The following BICD1 variants were observed in gnomAD, a reference collection of about 807,000 sequenced individuals.
BICD1 encodes protein bicaudal D homolog 1.
BICD1 carries 35 observed loss-of-function variants against 92.5 expected under a neutral mutation model. That is an observed-to-expected ratio of 0.38 (90% CI 0.29 to 0.50). The LOEUF (loss-of-function observed/expected upper bound fraction) is 0.50, where lower values mean the gene tolerates loss of function less well. BICD1 is among the 20% of genes least tolerant of loss of function. The pLI, the probability that BICD1 is intolerant of heterozygous loss-of-function variation, is 0.93. For synonymous variants in BICD1, 429 were observed against 465.1 expected, an observed-to-expected ratio of 0.92 and a Z score of 1.00; for missense variants, 950 against 1,189.8, an observed-to-expected ratio of 0.80 and a Z score of 2.97.
intron 2 of BICD1, among the ~76,000 whole-genome samples, chr12:32,289,420 T>C (rs1453570281): frequency 6.6e-6 from 1 of 152,238 alleles, no homozygotes; most frequent in African/African-American, 2.4e-5. Flanking sequence ...ACAGTCTTGC[T>C]CTGTTGCCAG....
intron 2 of BICD1, among the ~76,000 whole-genome samples, chr12:32,233,590 G>T (rs1036294789): frequency 3.3e-5 from 5 of 150,206 alleles, no homozygotes; most frequent in East Asian, 2.0e-4. Context: ...TCTGAGTAGG[G>T]TCAAACACCA....
intron 8 of BICD1, chr12:32,339,449 A>G (rs558306565): frequency 2.0e-6 from 2 of 985,792 alleles, no homozygotes; most frequent in Admixed American, 6.1e-5. Flanking sequence ...TGAGAATAAA[A>G]GTAAAACCTT....
chr12:32,153,657 G>A (rs1263272233), intron 1 of BICD1, among the ~76,000 whole-genome samples: 1 of 152,104 alleles, frequency 6.6e-6, no homozygotes, highest in East Asian at 1.9e-4. Context: ...TCAGGAGGCT[G>A]AGGTGGGAGG....
intron 2 of BICD1, among the ~76,000 whole-genome samples, chr12:32,263,334 G>T (rs1302122608): frequency 6.6e-6 from 1 of 152,038 alleles, no homozygotes; most frequent in African/African-American, 2.4e-5. Context: ...GGATCACGAG[G>T]TCAGGAGTTC....
rs201006198 is a variant in BICD1 at position 32,305,790 on chromosome 12, G to C, written c.673G>C (p.Glu225Gln). ...SQLEDAIRLKEIAEHQLEEAL... is the reference protein window; with the variant it reads ...SQLEDAIRLKQIAEHQLEEAL... ...GCTGGAAGATGCCATCCGATTGAAAGAGATTGCTGAGCACCAACTGGAAGA... is the reference window on the plus strand; with the variant it reads ...GCTGGAAGATGCCATCCGATTGAAACAGATTGCTGAGCACCAACTGGAAGA... Residue 225 changes from glutamate to glutamine, a missense_variant, in exon 4 of 10, where the codon GAG becomes CAG. Glu to Gln is a conservative substitution (Grantham distance 29, BLOSUM62 2). Around this residue, in one of 5 missense-constraint regions of BICD1, gnomAD observed 246 missense variants for 258.4 expected, o/e 0.95. Coordinates refer to ENST00000652176, the MANE Select transcript of BICD1 (RefSeq NM_001714.4). 2.5e-6 allele frequency: 4 copies of C among 1,614,108 alleles called. No homozygotes were observed. The highest frequency in any genetic ancestry group is 3.4e-6 in the Non-Finnish European group (4 of 1,180,054).
At chr12:32,354,786 A>G (rs962958864) in intron 8 of BICD1, among the ~76,000 whole-genome samples, 9 of 152,170 alleles carry the variant, frequency 5.9e-5, no homozygotes, top group Admixed American at 4.6e-4. Context: ...ATTTTTGAAA[A>G]TAGTTATTTT....
chr12:32,128,026 C>T (rs1274205971), intron 1 of BICD1, among the ~76,000 whole-genome samples: 2 of 152,024 alleles, frequency 1.3e-5, no homozygotes, highest in African/African-American at 2.4e-5. Context: ...GCCTCAGCCT[C>T]CTAGGTAGCG....
At chr12:32,285,850 A>T (rs1264895001) in intron 2 of BICD1, among the ~76,000 whole-genome samples, 1 of 152,206 alleles carries the variant, frequency 6.6e-6, no homozygotes, top group Non-Finnish European at 1.5e-5. Flanking sequence ...AAGAAAAAAA[A>T]ATTGTAGGAG....
At chr12:32,340,703 C>A (rs2136285516) in intron 8 of BICD1, 1 of 245,556 alleles carries the variant, frequency 4.1e-6, no homozygotes, top group Non-Finnish European at 6.5e-6. Context: ...AACATTATAT[C>A]ACAAGCTTTT....
At chr12:32,320,773 A>G (rs570217960) in intron 4 of BICD1, among the ~76,000 whole-genome samples, 50 of 152,352 alleles carry the variant, frequency 3.3e-4, no homozygotes, top group Non-Finnish European at 6.2e-4. Flanking sequence ...CAGTTCACAA[A>G]TACTGAAGTC....
At chr12:32,330,220 A>G (rs568011402) in intron 5 of BICD1, among the ~76,000 whole-genome samples, 4 of 152,314 alleles carry the variant, frequency 2.6e-5, no homozygotes, top group Admixed American at 2.0e-4. Flanking sequence ...CATGTTTTAT[A>G]TAAACCTAAG....
intron 2 of BICD1, among the ~76,000 whole-genome samples, chr12:32,273,760 G>A (rs549844727): frequency 3.3e-5 from 5 of 152,256 alleles, no homozygotes; most frequent in East Asian, 3.9e-4. Context: ...TCACACAACC[G>A]GAAAAGATTA....
intron 8 of BICD1, chr12:32,340,307 GA>G: frequency 2.0e-6 from 2 of 985,084 alleles, no homozygotes; most frequent in Non-Finnish European, 2.4e-6. Flanking sequence ...CACCTAAGAA[GA>G]AAAAAAGTAA....
intron 8 of BICD1, chr12:32,339,519 G>GC (rs1228088091): frequency 1.0e-5 from 10 of 985,142 alleles, no homozygotes; most frequent in African/African-American, 8.7e-5. Flanking sequence ...TAGATTGCAG[G>GC]CCCCCCACTG....
intron 2 of BICD1, among the ~76,000 whole-genome samples, chr12:32,281,421 G>A (rs2136169205): frequency 6.6e-6 from 1 of 152,202 alleles, no homozygotes; most frequent in South Asian, 2.1e-4. Context: ...TTGCCTCATT[G>A]CAATTTCAGA....
intron 1 of BICD1, among the ~76,000 whole-genome samples, chr12:32,198,684 T>C (rs777913827): frequency 8.6e-5 from 13 of 151,978 alleles, no homozygotes; most frequent in Non-Finnish European, 1.8e-4. Context: ...ACACAAGAAC[T>C]GTCCACCTCT....
chr12:32,377,651 T>G lies in BICD1; in HGVS notation c.*24T>G. Reference sequence around the variant, plus strand: ...AGTCTTCATCTCCTGTGGACGAACATCTGGGGTGGAAGTTTTGTAGCCACA... The same window carrying G: ...AGTCTTCATCTCCTGTGGACGAACAGCTGGGGTGGAAGTTTTGTAGCCACA... On this transcript the variant is annotated 3_prime_UTR_variant, in exon 10 of 10. Transcript: ENST00000652176. The G allele has an allele frequency of 6.3e-7, 1 of 1,591,924 alleles. No individual in the cohort carries two copies.
chr12:32,234,381 GGA>G (rs1400225233), intron 2 of BICD1, among the ~76,000 whole-genome samples: 3 of 151,980 alleles, frequency 2.0e-5, no homozygotes, highest in Non-Finnish European at 2.9e-5. Flanking sequence ...GCAGATCACC[GGA>G]GGTCGGGGGT....
At chr12:32,163,888 A>G (rs1215034293) in intron 1 of BICD1, among the ~76,000 whole-genome samples, 1 of 152,336 alleles carries the variant, frequency 6.6e-6, no homozygotes, top group South Asian at 2.1e-4. Flanking sequence ...CACATGTGTA[A>G]GAGATGTTCA....
Sources: allele counts gnomAD v4.1 joint callset (sites outside exome capture counted in the v4.1 genomes callset), GRCh38; gene constraint gnomAD v4.1.1; regional missense constraint gnomAD v4.1.1; transcripts MANE v1.5; gene names NCBI Gene and HGNC (gene_info 2026-07-23, HGNC 2026-07-21).